Variants in CCDC192 observed in about 807,000 individuals in gnomAD.
The protein encoded by CCDC192 is coiled-coil domain-containing protein 192.
chr5:127,818,984 T>A (rs1044058362), intron 5 of CCDC192, among the ~76,000 whole-genome samples: 4 of 152,172 alleles, frequency 2.6e-5, no homozygotes, highest in African/African-American at 9.7e-5. Context: ...ATACCCCACA[T>A]AATGGATTCA....
At chr5:127,714,795 T>G (rs1051794488) in intron 2 of CCDC192, among the ~76,000 whole-genome samples, 3 of 152,206 alleles carry the variant, frequency 2.0e-5, no homozygotes, top group African/African-American at 7.2e-5. Context: ...GCATTCATTA[T>G]TTTTTGTCTT....
At position 127,706,246 on chromosome 5, in the gene CCDC192, T is replaced by C. The variant is rs377727611; in HGVS notation, c.63-1463T>C. ...TTGGGATTTAAAAGTAAGGCTTTAT[T>C]GGCAGGGCGCAGTGGCTCACGCCTG... On this transcript the variant is annotated intron_variant, in intron 1 of 6. Transcript: ENST00000514853. Among the ~76,000 whole-genome samples, 18 of 152,172 alleles carry C rather than the reference T, an allele frequency of 1.2e-4. No individual in the cohort carries two copies. In the South Asian group the frequency reaches 3.5e-3, roughly 30 times the overall value.
rs1209112217 is a variant in CCDC192, at chr5:127,779,838, G to A, written c.223-17265G>A. On this transcript the variant is annotated intron_variant, in intron 3 of 6. Coordinates refer to ENST00000514853, the MANE Select transcript of CCDC192 (RefSeq NM_001317938.2). ...AGATTTTGGTGCACCCATCACTCGA[G>A]CAGTATACACTGCACCCTATTTGTA... 2.0e-5 allele frequency among the ~76,000 whole-genome samples: 3 copies of A among 151,948 alleles called. No individual in the cohort carries two copies. In the East Asian group the frequency reaches 5.8e-4, roughly 29 times the overall value.
chr5:127,720,355 G>A lies in CCDC192; in HGVS notation c.114+12595G>A, dbSNP rs186628444. Among the ~76,000 whole-genome samples, 584 of 152,342 alleles carry A rather than the reference G, an allele frequency of 3.8e-3. 3 individuals are homozygous for A. The highest frequency in any genetic ancestry group is 0.013 in the African/African-American group (554 of 41,582). On this transcript the variant is annotated intron_variant, in intron 2 of 6. Transcript: ENST00000514853. The stretch of plus-strand genomic sequence containing the variant: ...TTAAAGCTCCAAAATGATTTCCTTT[G>A]CCTCCATGTTTCACATCCTGGCAAC...
chr5:127,883,880 T>C (rs1251575169), intron 6 of CCDC192, among the ~76,000 whole-genome samples: 1 of 152,136 alleles, frequency 6.6e-6, no homozygotes, highest in Non-Finnish European at 1.5e-5. Context: ...AAGGGATGTA[T>C]GAGCCGCTCA....
intron 5 of CCDC192, among the ~76,000 whole-genome samples, chr5:127,833,861 A>G (rs965346680): frequency 2.0e-5 from 3 of 152,176 alleles, no homozygotes; most frequent in Non-Finnish European, 2.9e-5. Flanking sequence ...TTTCTCTTCT[A>G]TCATACACCA....
intron 2 of CCDC192, among the ~76,000 whole-genome samples, chr5:127,722,310 AC>A (rs1371095743): frequency 1.4e-5 from 2 of 145,480 alleles, no homozygotes; most frequent in African/African-American, 5.2e-5. Context: ...TAATTAGAGT[AC>A]TTTTTTTTTT....
intron 1 of CCDC192, among the ~76,000 whole-genome samples, chr5:127,704,606 T>C (rs1750855322): frequency 6.6e-6 from 1 of 152,194 alleles, no homozygotes; most frequent in Admixed American, 6.5e-5. Flanking sequence ...AAATCTAAGA[T>C]TTTATGTAAA....
At position 127,733,114 on chromosome 5, in the gene CCDC192, C is replaced by G. The variant is rs150902894; in HGVS notation, c.115-21154C>G. Among the ~76,000 whole-genome samples, 585 of 152,258 alleles carry G rather than the reference C, an allele frequency of 3.8e-3. 3 individuals carry two copies. The highest frequency in any genetic ancestry group is 0.013 in the African/African-American group (554 of 41,544). ...AGGATGCAAGGCTGTGCCCTCCCCACTTGCATTTTTGAATTTTTGCTCTTA... is the reference window on the plus strand; with the variant it reads ...AGGATGCAAGGCTGTGCCCTCCCCAGTTGCATTTTTGAATTTTTGCTCTTA... On this transcript the variant is annotated intron_variant, in intron 2 of 6. Coordinates refer to ENST00000514853, the MANE Select transcript of CCDC192 (RefSeq NM_001317938.2).
chr5:127,809,866 A>G (rs992824859), intron 5 of CCDC192, among the ~76,000 whole-genome samples: 3 of 152,206 alleles, frequency 2.0e-5, no homozygotes, highest in Non-Finnish European at 4.4e-5. Context: ...ATGAAAATCC[A>G]GATTTTTGGT....
intron 5 of CCDC192, among the ~76,000 whole-genome samples, chr5:127,853,597 A>G (rs1053127688): frequency 6.6e-6 from 1 of 152,106 alleles, no homozygotes; most frequent in Non-Finnish European, 1.5e-5. Context: ...ACGTGGTGAA[A>G]CACTGTCTCT....
intron 2 of CCDC192, among the ~76,000 whole-genome samples, chr5:127,729,411 G>T (rs1752513309): frequency 6.6e-6 from 1 of 152,142 alleles, no homozygotes; most frequent in Non-Finnish European, 1.5e-5. Flanking sequence ...CACAATAATA[G>T]TGGGAGACTT....
chr5:127,937,826 A>G (rs1044357253), intron 6 of CCDC192, among the ~76,000 whole-genome samples: 2 of 152,210 alleles, frequency 1.3e-5, no homozygotes, highest in Non-Finnish European at 2.9e-5. Flanking sequence ...TTGTCTAAAA[A>G]CGTTTTGACC....
chr5:127,757,596 A>G (rs1369980457), intron 3 of CCDC192, among the ~76,000 whole-genome samples: 1 of 152,006 alleles, frequency 6.6e-6, no homozygotes, highest in Non-Finnish European at 1.5e-5. Context: ...ATGAGAGGAT[A>G]GGGAAAGGGG....
At chr5:127,890,337 ACTTTCC>A (rs1752697665) in intron 6 of CCDC192, among the ~76,000 whole-genome samples, 1 of 151,866 alleles carries the variant, frequency 6.6e-6, no homozygotes, top group African/African-American at 2.4e-5. Flanking sequence ...TCATTTTGTG[ACTTTCC>A]CAGTTGCTCC....
At chr5:127,749,775 T>C (rs1049256838) in intron 2 of CCDC192, among the ~76,000 whole-genome samples, 1 of 152,224 alleles carries the variant, frequency 6.6e-6, no homozygotes. Flanking sequence ...CTATTGATTA[T>C]TGCCACAATT....
chr5:127,790,923 T>C (rs1756832345), intron 3 of CCDC192, among the ~76,000 whole-genome samples: 1 of 152,238 alleles, frequency 6.6e-6, no homozygotes. Flanking sequence ...CAGGCTAATT[T>C]AGTTTCACAT....
At chr5:127,775,711 C>T (rs539831323) in intron 3 of CCDC192, among the ~76,000 whole-genome samples, 1 of 152,318 alleles carries the variant, frequency 6.6e-6, no homozygotes, top group South Asian at 2.1e-4. Context: ...TGATTTGTAG[C>T]TCCCATAATT....
intron 5 of CCDC192, among the ~76,000 whole-genome samples, chr5:127,825,548 C>G (rs1370994795): frequency 1.3e-5 from 2 of 152,186 alleles, no homozygotes; most frequent in African/African-American, 2.4e-5. Flanking sequence ...CTGAAGCTGT[C>G]TCCTGGACAT....
Sources: gnomAD v4.1 joint callset for allele counts (sites outside exome capture counted in the v4.1 genomes callset) on GRCh38, gnomAD v4.1.1 for gene constraint, MANE v1.5 for transcripts, NCBI Gene and HGNC (gene_info 2026-07-23, HGNC 2026-07-21) for gene names.